Variants in NLK observed in about 807,000 individuals in gnomAD.
NLK encodes nemo like kinase, also known as serine/threonine-protein kinase NLK.
NLK carries 11 observed loss-of-function variants against 59.0 expected under a neutral mutation model. That is an observed-to-expected ratio of 0.19 (90% CI 0.12 to 0.31). NLK has a LOEUF of 0.31. Ranked by LOEUF, NLK falls within the 10% of genes least tolerant of loss-of-function variation. The probability of loss-of-function intolerance (pLI) is 1.00; values close to 1 mark genes in which losing one functional copy is unlikely to be tolerated. For synonymous variants in NLK, 235 were observed against 235.9 expected (o/e 1.00, Z 0.03); for missense variants, 410 against 661.1 (o/e 0.62, Z 4.16).
Position 28,043,245 on chromosome 17 carries a change from C to T in NLK, c.372C>T (p.His124=). Residue 124 remains histidine (H), a synonymous_variant, in exon 1 of 11, where the codon CAC becomes CAT. Coordinates refer to ENST00000407008, the MANE Select transcript of NLK (RefSeq NM_016231.5). ...QAAAAATVKA[H]HHQHSHHPQQ... ...CCGCAGCTGCTACAGTTAAGGCGCACCATCATCAGCACTCGCATCATCCAC... is the reference window on the plus strand; with the variant it reads ...CCGCAGCTGCTACAGTTAAGGCGCATCATCATCAGCACTCGCATCATCCAC... The T allele has an allele frequency of 1.2e-6, 2 of 1,613,872 alleles. No homozygotes were observed. Among genetic ancestry groups the T allele is most frequent in the South Asian group, 1.1e-5 (1 of 91,072 alleles).
At chr17:28,186,743 C>T (rs1281795770) in intron 8 of NLK, among the ~76,000 whole-genome samples, 1 of 152,172 alleles carries the variant, frequency 6.6e-6, no homozygotes, top group African/African-American at 2.4e-5. Flanking sequence ...GACCTGCCCC[C>T]ATCATTCAGT....
chr17:28,072,474 T>A (rs1233833516), intron 1 of NLK, among the ~76,000 whole-genome samples: 3 of 151,960 alleles, frequency 2.0e-5, no homozygotes, highest in African/African-American at 4.8e-5. Flanking sequence ...CACAGTCACA[T>A]GCCACCACGC....
At chr17:28,138,119 A>G (rs140942889) in intron 3 of NLK, among the ~76,000 whole-genome samples, 71 of 152,336 alleles carry the variant, frequency 4.7e-4, no homozygotes, top group Non-Finnish European at 8.7e-4. Context: ...GGAGTTTATT[A>G]TGCTTCAGTC....
chr17:28,156,378 A>G (rs1907723074), intron 3 of NLK, among the ~76,000 whole-genome samples: 1 of 152,206 alleles, frequency 6.6e-6, no homozygotes, highest in Admixed American at 6.5e-5. Flanking sequence ...TGAAAACAAC[A>G]ATTATGCCAT....
chr17:28,174,849 A>G (rs1451658889), intron 7 of NLK, among the ~76,000 whole-genome samples: 1 of 151,956 alleles, frequency 6.6e-6, no homozygotes, highest in Non-Finnish European at 1.5e-5. Flanking sequence ...CTCACCAACC[A>G]CATGATGCAT....
intron 1 of NLK, among the ~76,000 whole-genome samples, chr17:28,063,568 GT>G (rs1909736578): frequency 1.3e-5 from 2 of 152,038 alleles, no homozygotes; most frequent in South Asian, 4.2e-4. Context: ...CCATCTGATA[GT>G]TCTTTTATGT....
intron 3 of NLK, among the ~76,000 whole-genome samples, chr17:28,153,274 CAA>C (rs1281657628): frequency 1.1e-4 from 11 of 104,624 alleles, no homozygotes; most frequent in Non-Finnish European, 1.9e-4. Flanking sequence ...AATTCCCCCT[CAA>C]AAAAAAAAAA....
chr17:28,192,244 GT>G, intron 10 of NLK, 31 bp downstream of exon 10: 1 of 1,184,064 alleles, frequency 8.4e-7, no homozygotes, highest in South Asian at 1.3e-5. Flanking sequence ...CAACATTCTT[GT>G]TAGAATTAAA....
chr17:28,074,022 G>GA (rs1252964297), intron 1 of NLK, among the ~76,000 whole-genome samples: 23 of 152,240 alleles, frequency 1.5e-4, no homozygotes, highest in African/African-American at 5.5e-4. Context: ...GCTAGTTTTA[G>GA]AAAATAACTT....
chr17:28,203,336 C>G, the NLK span, among the ~76,000 whole-genome samples: 2 of 151,992 alleles, frequency 1.3e-5, no homozygotes, highest in African/African-American at 2.4e-5. Context: ...GGAAAGATTT[C>G]CGTTCCTCAA....
At chr17:28,192,458 CT>C (rs1476393895) in intron 10 of NLK, among the ~76,000 whole-genome samples, 2 of 152,156 alleles carry the variant, frequency 1.3e-5, no homozygotes, top group African/African-American at 4.8e-5. Flanking sequence ...CACCTGAGGT[CT>C]GGAGTTCAAG....
intron 8 of NLK, among the ~76,000 whole-genome samples, chr17:28,187,450 G>A (rs866497842): frequency 1.3e-5 from 2 of 152,114 alleles, no homozygotes; most frequent in Non-Finnish European, 2.9e-5. Flanking sequence ...TTACAGGCAC[G>A]TGCCACCACA....
chr17:28,046,058 A>G (rs567207151), intron 1 of NLK, among the ~76,000 whole-genome samples: 5 of 152,308 alleles, frequency 3.3e-5, no homozygotes, highest in African/African-American at 1.2e-4. Context: ...ATTTGCCCAC[A>G]TTTCCTTGGG....
intron 1 of NLK, among the ~76,000 whole-genome samples, chr17:28,104,398 G>A (rs1245252241): frequency 6.6e-6 from 1 of 152,086 alleles, no homozygotes; most frequent in African/African-American, 2.4e-5. Flanking sequence ...TGGGATTACA[G>A]GCACACGCCA....
At chr17:28,171,130 G>A (rs549819280) in intron 6 of NLK, 2 of 152,234 alleles carry the variant, frequency 1.3e-5, no homozygotes, top group Non-Finnish European at 2.9e-5. Context: ...TCTGCCTTTA[G>A]TGTGGTTGTT....
chr17:28,181,815 A>G (rs949700287), intron 7 of NLK, among the ~76,000 whole-genome samples: 3 of 152,168 alleles, frequency 2.0e-5, no homozygotes, highest in African/African-American at 4.8e-5. Flanking sequence ...CTTTGAGATC[A>G]GCCTGGGCAA....
intron 1 of NLK, among the ~76,000 whole-genome samples, chr17:28,101,383 CTT>C (rs1653925874): frequency 6.6e-6 from 1 of 152,126 alleles, no homozygotes; most frequent in African/African-American, 2.4e-5. Context: ...AACAGTAAGT[CTT>C]TTAAGCCATG....
At chr17:28,052,574 C>T (rs1355714582) in intron 1 of NLK, among the ~76,000 whole-genome samples, 2 of 152,116 alleles carry the variant, frequency 1.3e-5, no homozygotes, top group African/African-American at 4.8e-5. Flanking sequence ...AGCAAACCAG[C>T]AGTGCTATCC....
At chr17:28,046,742 T>G (rs1030073781) in intron 1 of NLK, among the ~76,000 whole-genome samples, 1 of 152,180 alleles carries the variant, frequency 6.6e-6, no homozygotes, top group Non-Finnish European at 1.5e-5. Context: ...GAGAGTGGTT[T>G]GAGGATCGCT....
Sources: allele counts gnomAD v4.1 joint callset (sites outside exome capture counted in the v4.1 genomes callset), GRCh38; gene constraint gnomAD v4.1.1; transcripts MANE v1.5; gene names NCBI Gene and HGNC (gene_info 2026-07-23, HGNC 2026-07-21).